GALK2: variants seen among roughly 807,000 people sequenced by gnomAD.
The protein encoded by GALK2 is galactokinase 2, also known as N-acetylgalactosamine kinase.
A neutral mutation model predicts 52.4 loss-of-function variants in GALK2; 36 were observed. The observed-to-expected ratio is 0.69, with a 90% CI of 0.53 to 0.91. The LOEUF (loss-of-function observed/expected upper bound fraction) is 0.91, where lower values mean the gene tolerates loss of function less well. Ranked by LOEUF, GALK2 falls within the 40% of genes least tolerant of loss-of-function variation. The probability of loss-of-function intolerance (pLI) is 0.00; values close to 1 mark genes in which losing one functional copy is unlikely to be tolerated. For synonymous variants in GALK2, 176 were observed against 199.1 expected (o/e 0.88, Z 0.98); for missense variants, 579 against 559.1 (o/e 1.04, Z -0.36).
rs1295109341 is a variant in GALK2 at position 49,172,622 on chromosome 15, A to G, written c.53+2247A>G. ...GGATGCCTCTTCAACCTCACAAGGC[A>G]CATGATCCTTTGAGTAAAGGCACTG... On this transcript the variant is annotated intron_variant, in intron 1 of 9. Coordinates refer to ENST00000560031, the MANE Select transcript of GALK2 (RefSeq NM_002044.4). Among the ~76,000 whole-genome samples, 13 of 152,338 alleles carry G rather than the reference A, an allele frequency of 8.5e-5. No homozygotes were observed. In the East Asian group the frequency reaches 2.5e-3, roughly 29 times the overall value.
intron 5 of GALK2, among the ~76,000 whole-genome samples, chr15:49,271,132 A>G (rs1270515743): frequency 6.6e-6 from 1 of 152,160 alleles, no homozygotes; most frequent in Non-Finnish European, 1.5e-5. Context: ...TAGAGCCAAA[A>G]TAAGTATTCT....
At chr15:49,335,822 A>C (rs750596547), downstream of GALK2, among the ~76,000 whole-genome samples, 3 of 152,234 alleles carry the variant, frequency 2.0e-5, no homozygotes, top group Non-Finnish European at 2.9e-5. Context: ...AAATTACCAA[A>C]ATATTAAAAA....
intron 9 of GALK2, chr15:49,327,072 T>A (rs1464208631): frequency 6.6e-6 from 1 of 152,238 alleles, no homozygotes; most frequent in African/African-American, 2.4e-5. Flanking sequence ...AAATTGCATC[T>A]TTTAAAGCTA....
intron 7 of GALK2, among the ~76,000 whole-genome samples, chr15:49,286,423 A>G (rs1178157810): frequency 2.0e-5 from 3 of 152,200 alleles, no homozygotes; most frequent in Non-Finnish European, 4.4e-5. Context: ...TGTGTAAAGT[A>G]TAGTTTTCCC....
intron 8 of GALK2, among the ~76,000 whole-genome samples, chr15:49,315,815 T>C (rs562095253): frequency 4.6e-5 from 7 of 152,274 alleles, no homozygotes; most frequent in South Asian, 2.1e-4. Context: ...GGTGCCAGGA[T>C]TGTGAGGTTC....
intron 8 of GALK2, among the ~76,000 whole-genome samples, chr15:49,314,651 A>G (rs1596077979): frequency 6.6e-6 from 1 of 152,368 alleles, no homozygotes; most frequent in East Asian, 1.9e-4. Flanking sequence ...GTTATGAAGA[A>G]ACTAGACAAG....
chr15:49,344,591 G>A (rs950312890), intron 3 of GALK2, among the ~76,000 whole-genome samples: 16 of 152,146 alleles, frequency 1.1e-4, no homozygotes, highest in Non-Finnish European at 1.8e-4. Context: ...CTCTGAATTC[G>A]AAGGAAAGAT....
chr15:49,157,494 G>A (rs2084500237), intron 1 of GALK2, among the ~76,000 whole-genome samples: 4 of 152,152 alleles, frequency 2.6e-5, no homozygotes, highest in Non-Finnish European at 2.9e-5. Flanking sequence ...TGGTGTTTAC[G>A]AAATGTTGGG....
chr15:49,201,854 C>T (rs982109959), intron 2 of GALK2, among the ~76,000 whole-genome samples: 4 of 151,948 alleles, frequency 2.6e-5, no homozygotes, highest in African/African-American at 9.7e-5. Flanking sequence ...TAAATATTTC[C>T]ATGTATCTAT....
Position 49,282,074 on chromosome 15 carries a change from G to A in GALK2, c.592G>A (p.Glu198Lys), listed in dbSNP as rs1305956844. The A allele has an allele frequency of 1.2e-6, 2 of 1,611,138 alleles. No individual in the cohort carries two copies. The highest frequency in any genetic ancestry group is 1.3e-5 in the African/African-American group (1 of 74,858). ...GMDQSISFLA[E>K]EGTAKLIEFS... ...GGACCAGTCTATATCATTTCTTGCAGAAGAAGGAACTGTAGGTAGCATTCC... is the reference window on the plus strand; with the variant it reads ...GGACCAGTCTATATCATTTCTTGCAAAAGAAGGAACTGTAGGTAGCATTCC... The change falls in exon 6 of 10, where the codon GAA (glutamate) becomes AAA (lysine). Residue 198 changes from glutamate to lysine, a missense_variant. Physicochemically the swap from Glu to Lys is moderately conservative, Grantham distance 56. Transcript: ENST00000560031.
intron 1 of GALK2, 147 bp from the exon 2 acceptor site, chr15:49,201,011 TTTTA>T (rs1490895549): frequency 2.2e-6 from 1 of 446,352 alleles, no homozygotes; most frequent in African/African-American, 2.0e-5. Flanking sequence ...GAAATTTTGC[TTTTA>T]TTCTTTTAAG....
rs545611400 is a variant in GALK2, at chr15:49,293,188, C to T, written c.967+651C>T. ...ATGGGGGATGAGTAGGAGATTAATA[C>T]AAACATCAGCCTCAGGGACCCATTT... On this transcript the variant is annotated intron_variant, in intron 8 of 9. Coordinates refer to ENST00000560031, the MANE Select transcript of GALK2 (RefSeq NM_002044.4). Among the ~76,000 whole-genome samples, 6 of 152,260 alleles carry T rather than the reference C, an allele frequency of 3.9e-5. No homozygotes were observed. In the South Asian group the frequency reaches 1.0e-3, roughly 26 times the overall value.
Position 49,224,218 on chromosome 15 carries a change from A to C in GALK2, c.266+6905A>C, listed in dbSNP as rs549138617. Among the ~76,000 whole-genome samples, 450 of 152,162 alleles carry C rather than the reference A, an allele frequency of 3.0e-3. 5 individuals carry two copies. Among genetic ancestry groups the C allele is most frequent in the African/African-American group, 0.01 (427 of 41,512 alleles). The stretch of plus-strand genomic sequence containing the variant: ...GTTTTTTGCTTGTTTATTTGTTTAC[A>C]ATGTTTACAGATTCTGATATTAGAC... On this transcript the variant is annotated intron_variant, in intron 3 of 9. Coordinates refer to ENST00000560031, the MANE Select transcript of GALK2 (RefSeq NM_002044.4).
intron 9 of GALK2, among the ~76,000 whole-genome samples, chr15:49,321,733 C>T (rs995393781): frequency 3.3e-5 from 5 of 152,152 alleles, no homozygotes; most frequent in African/African-American, 1.2e-4. Flanking sequence ...ATGATTTTGC[C>T]ACACGTGCCT....
intron 5 of GALK2, among the ~76,000 whole-genome samples, chr15:49,249,730 T>C (rs1043035307): frequency 6.6e-6 from 1 of 152,218 alleles, no homozygotes; most frequent in Admixed American, 6.5e-5. Flanking sequence ...TGTGCTAACA[T>C]TCTTAAATAT....
chr15:49,349,283 C>G (rs2041932557), intron 3 of GALK2, among the ~76,000 whole-genome samples: 1 of 152,084 alleles, frequency 6.6e-6, no homozygotes, highest in South Asian at 2.1e-4. Flanking sequence ...CTTTGTTCAT[C>G]AAGTTCTTAT....
intron 1 of GALK2, chr15:49,195,250 T>G: frequency 2.9e-6 from 1 of 339,772 alleles, no homozygotes; most frequent in Admixed American, 4.0e-5. Context: ...TTTTTGTATT[T>G]TTAGTAGAGA....
At chr15:49,169,845 A>T (rs989719318), upstream of GALK2, among the ~76,000 whole-genome samples, 3 of 152,246 alleles carry the variant, frequency 2.0e-5, no homozygotes, top group African/African-American at 7.2e-5. Context: ...TAAACATTTT[A>T]GTGTTGTTTG....
At chr15:49,168,127 T>C (rs561524141), upstream of GALK2, among the ~76,000 whole-genome samples, 5 of 152,330 alleles carry the variant, frequency 3.3e-5, no homozygotes, top group African/African-American at 1.2e-4. Context: ...AAAAGGATGC[T>C]TTACTAATTG....
Sources: allele counts gnomAD v4.1 joint callset (sites outside exome capture counted in the v4.1 genomes callset), GRCh38; gene constraint gnomAD v4.1.1; transcripts MANE v1.5; gene names NCBI Gene and HGNC (gene_info 2026-07-23, HGNC 2026-07-21).